Variants in MTMR2 observed in about 807,000 individuals in gnomAD.
MTMR2 encodes the protein phosphatidylinositol-3,5-bisphosphate 3-phosphatase MTMR2.
Under a neutral mutation model 86.9 loss-of-function variants are expected in MTMR2, and 55 were observed. That is an observed-to-expected ratio of 0.63 (90% confidence interval 0.51 to 0.79). MTMR2 has a LOEUF of 0.79. Ranked by LOEUF, MTMR2 falls within the 30% of genes least tolerant of loss-of-function variation. MTMR2 has a pLI of 0.00. For synonymous variants in MTMR2, 241 were observed against 266.8 expected (o/e 0.90, Z 0.94); for missense variants, 659 against 772.3 (o/e 0.85, Z 1.74).
At chr11:95,858,015 C>T (rs1269576778) in intron 6 of MTMR2, among the ~76,000 whole-genome samples, 2 of 152,118 alleles carry the variant, frequency 1.3e-5, no homozygotes, top group African/African-American at 4.8e-5. Flanking sequence ...AAATGGTACT[C>T]CTACTAACTG....
Position 95,865,677 on chromosome 11 carries a change from C to CTATAA in MTMR2, c.187-2_187-1insTTATA. The CTATAA allele has an allele frequency of 3.1e-6, 5 of 1,593,328 alleles. No homozygotes were observed. Among genetic ancestry groups the CTATAA allele is most frequent in the Non-Finnish European group, 4.3e-6 (5 of 1,163,740 alleles). Reference sequence around the variant, plus strand: ...CTAACTTGTTAGACTCCCTCAGGACCTGGGGTGGGAAAGACAAAAAAAGAA... The same window carrying CTATAA: ...CTAACTTGTTAGACTCCCTCAGGACCTATAATGGGGTGGGAAAGACAAAAAAAGAA... On this transcript the variant is annotated splice_acceptor_variant, in intron 2 of 14. Coordinates refer to ENST00000346299, the MANE Select transcript of MTMR2 (RefSeq NM_016156.6). LOFTEE classifies it high-confidence loss of function.
Position 95,924,032 on chromosome 11 carries a change from C to T in MTMR2, c.-78G>A, listed in dbSNP as rs1216440423. On this transcript the variant is annotated 5_prime_UTR_variant, in exon 1 of 15. Coordinates refer to ENST00000346299, the MANE Select transcript of MTMR2 (RefSeq NM_016156.6). ...GGCGGGAGAAGCGGAGGGCGGAGTG[C>T]TACGGACCGGGGCCGCAGTCAGGCC... 3 of 1,528,400 alleles carry T rather than the reference C, an allele frequency of 2.0e-6. No homozygotes were observed. Among genetic ancestry groups the T allele is most frequent in the Non-Finnish European group, 2.7e-6 (3 of 1,128,302 alleles). 94.7% of individuals were successfully genotyped at this position (1,528,400 alleles called of 1,614,324 possible). A position where few individuals can be genotyped will look rare whatever the true frequency, so the allele number is the denominator to read the frequency against.
chr11:95,836,555 G>C (rs1479939327), intron 13 of MTMR2, among the ~76,000 whole-genome samples: 1 of 151,920 alleles, frequency 6.6e-6, no homozygotes, highest in Non-Finnish European at 1.5e-5. Flanking sequence ...TACATATCCA[G>C]CAAACAGAAG....
intron 1 of MTMR2, among the ~76,000 whole-genome samples, chr11:95,917,033 G>A (rs1012359102): frequency 6.6e-6 from 1 of 151,378 alleles, no homozygotes; most frequent in African/African-American, 2.5e-5. Flanking sequence ...ATCTTCCCTA[G>A]TCCTTTTTAT....
chr11:95,910,127 G>GCACA (rs71040121), intron 1 of MTMR2, among the ~76,000 whole-genome samples: 12,625 of 147,202 alleles, frequency 0.086, 699 homozygotes, highest in Non-Finnish European at 0.12. Context: ...ACGCATGCAC[G>GCACA]CACACACACA....
At chr11:95,871,778 C>T (rs1432592348) in intron 2 of MTMR2, among the ~76,000 whole-genome samples, 2 of 152,178 alleles carry the variant, frequency 1.3e-5, no homozygotes, top group Admixed American at 1.3e-4. Context: ...GTTGCCATTG[C>T]TTTTGCTGTT....
chr11:95,878,970 C>T (rs192358132), intron 2 of MTMR2, among the ~76,000 whole-genome samples: 1 of 152,054 alleles, frequency 6.6e-6, no homozygotes, highest in Admixed American at 6.6e-5. Flanking sequence ...AAGTAGTATT[C>T]ATATGCCCAT....
intron 1 of MTMR2, among the ~76,000 whole-genome samples, chr11:95,901,446 G>A (rs1263008023): frequency 1.3e-5 from 2 of 152,160 alleles, no homozygotes; most frequent in African/African-American, 4.8e-5. Flanking sequence ...CAATCAGAAA[G>A]TTATAGAATA....
intron 1 of MTMR2, among the ~76,000 whole-genome samples, chr11:95,905,082 C>G (rs1464817211): frequency 6.6e-6 from 1 of 152,156 alleles, no homozygotes; most frequent in Non-Finnish European, 1.5e-5. Flanking sequence ...CCACACTTGA[C>G]TTCCAGAACT....
At position 95,844,994 on chromosome 11, in the gene MTMR2, C is replaced by A. The variant is rs776520645; in HGVS notation, c.1345G>T (p.Val449Leu). 2 of 1,613,942 alleles carry A rather than the reference C, an allele frequency of 1.2e-6. No individual in the cohort carries two copies. The highest frequency in any genetic ancestry group is 1.3e-5 in the African/African-American group (1 of 75,020). Residue 449 changes from valine to leucine, a missense_variant, in exon 11 of 15, where the codon GTG becomes TTG. Coordinates refer to ENST00000346299, the MANE Select transcript of MTMR2 (RefSeq NM_016156.6). ...YRTIRGFEVLVEKEWLSFGHR... is the reference protein window; with the variant it reads ...YRTIRGFEVLLEKEWLSFGHR... ...CCAAAACTTAGCCATTCTTTCTCCA[C>A]AAGGACTTCAAATCCTCGGATGGTT...
chr11:95,923,746 T>G, intron 1 of MTMR2, 129 bp downstream of exon 1: 1 of 1,476,720 alleles, frequency 6.8e-7, no homozygotes, highest in South Asian at 1.4e-5. Flanking sequence ...GGTTCCCAAG[T>G]CCCGGGGAAG....
chr11:95,893,729 C>A (rs1414697805), intron 1 of MTMR2, among the ~76,000 whole-genome samples: 2 of 151,858 alleles, frequency 1.3e-5, no homozygotes, highest in Non-Finnish European at 2.9e-5. Flanking sequence ...TCTTCTCCCA[C>A]ACAGCTATCA....
chr11:95,895,033 G>A (rs561433534), intron 1 of MTMR2, among the ~76,000 whole-genome samples: 13 of 151,742 alleles, frequency 8.6e-5, no homozygotes, highest in East Asian at 3.9e-4. Flanking sequence ...TTATTACCAC[G>A]CCCTTTCTAT....
intron 11 of MTMR2, among the ~76,000 whole-genome samples, chr11:95,842,526 C>G (rs1319645231): frequency 6.6e-6 from 1 of 152,172 alleles, no homozygotes; most frequent in African/African-American, 2.4e-5. Flanking sequence ...ATGCAGTCAT[C>G]TACCTAGTTT....
chr11:95,918,932 G>C (rs1209070864), intron 1 of MTMR2, among the ~76,000 whole-genome samples: 1 of 152,176 alleles, frequency 6.6e-6, no homozygotes, highest in Non-Finnish European at 1.5e-5. Flanking sequence ...AACGTTCCCA[G>C]GCTCAGGTGA....
chr11:95,923,603 G>T, intron 1 of MTMR2: 1 of 1,234,814 alleles, frequency 8.1e-7, no homozygotes, highest in South Asian at 1.8e-5. Flanking sequence ...ACAGGAGAAA[G>T]TAATTAACTG....
intron 2 of MTMR2, among the ~76,000 whole-genome samples, chr11:95,872,949 T>A (rs1864950202): frequency 1.3e-5 from 2 of 152,338 alleles, no homozygotes; most frequent in African/African-American, 4.8e-5. Flanking sequence ...CAGCCTTACA[T>A]CCCAGGGATG....
In MTMR2 at chr11:95,841,686, G is replaced by T; in HGVS notation, c.1410C>A (p.Asn470Lys). The T allele has an allele frequency of 6.2e-7, 1 of 1,613,428 alleles. No homozygotes were observed. Among genetic ancestry groups the T allele is most frequent in the Non-Finnish European group, 8.5e-7 (1 of 1,179,476 alleles). The change falls in exon 12 of 15, where the codon AAC becomes AAA. Residue 470 changes from asparagine (N) to lysine (K), a missense_variant. By Grantham distance (94) the Asn-to-Lys change is moderately conservative. Transcript: ENST00000346299. ...CAGGCGATCTGTCTGCATCTGCATG[G>T]TTCTTATCTCCATGGCCAACTCTCT... ...FQLRVGHGDK[N>K]HADADRSPVF...
At position 95,836,290 on chromosome 11, in the gene MTMR2, T is replaced by A; in HGVS notation, c.1628A>T (p.Tyr543Phe). 2 of 1,612,966 alleles carry A rather than the reference T, an allele frequency of 1.2e-6. No individual in the cohort carries two copies. Among genetic ancestry groups the A allele is most frequent in the Non-Finnish European group, 1.7e-6 (2 of 1,179,128 alleles). ...LPKRTVSLWS[Y>F]INSQLEDFTN... ...GAAGTCTTCCAGCTGGCTGTTTATG[T>A]AAGACCACAGTGACACAGTCCTTTT... is the stretch of plus-strand genomic sequence containing the variant. Residue 543 changes from tyrosine to phenylalanine, a missense_variant, in exon 14 of 15, where the codon TAC (tyrosine) becomes TTC (phenylalanine). By Grantham distance (22) the Tyr-to-Phe change is conservative (BLOSUM62 3). Transcript: ENST00000346299.
Sources: gnomAD v4.1 joint callset for allele counts (sites outside exome capture counted in the v4.1 genomes callset) on GRCh38, gnomAD v4.1.1 for gene constraint, MANE v1.5 for transcripts, NCBI Gene and HGNC (gene_info 2026-07-23, HGNC 2026-07-21) for gene names.